The following NRF1 variants were observed in gnomAD, a reference collection of about 807,000 sequenced individuals.
NRF1 encodes the protein nuclear respiratory factor 1, also known as alpha palindromic-binding protein.
NRF1 carries 5 observed loss-of-function variants against 58.5 expected under a neutral mutation model. That is an observed-to-expected ratio of 0.09 (90% CI 0.04 to 0.18). The LOEUF (loss-of-function observed/expected upper bound fraction) is 0.18, where lower values mean the gene tolerates loss of function less well. Among genes scored for constraint, NRF1 ranks in the 10% least tolerant of loss-of-function variants. NRF1 has a pLI of 1.00. For synonymous variants in NRF1, 224 were observed against 246.7 expected (o/e 0.91, Z 0.86); for missense variants, 288 against 657.7 (o/e 0.44, Z 6.15).
chr7:129,728,707 C>T (rs193159293), intron 10 of NRF1, among the ~76,000 whole-genome samples: 6 of 152,218 alleles, frequency 3.9e-5, no homozygotes, highest in East Asian at 3.9e-4. Context: ...ACCTCTGTCC[C>T]GCCAGAGAAG....
At chr7:129,742,674 T>C (rs981253563) in intron 10 of NRF1, among the ~76,000 whole-genome samples, 3 of 152,198 alleles carry the variant, frequency 2.0e-5, no homozygotes, top group African/African-American at 4.8e-5. Flanking sequence ...CCAATTTAGA[T>C]TGAGTTTCCA....
In NRF1 at chr7:129,723,652, C is replaced by T. The variant is rs530521792; in HGVS notation, c.1224-3589C>T. On this transcript the variant is annotated intron_variant, in intron 9 of 10. Coordinates refer to ENST00000393232, the MANE Select transcript of NRF1 (RefSeq NM_005011.5). ...AGTAGTAATTCCAGATCAAGGGTCTCCTGTTGAAAAGACAGTCCTTTCCCT... is the reference window on the plus strand; with the variant it reads ...AGTAGTAATTCCAGATCAAGGGTCTTCTGTTGAAAAGACAGTCCTTTCCCT... 3.9e-5 allele frequency among the ~76,000 whole-genome samples: 6 copies of T among 152,240 alleles called. No homozygotes were observed. In the South Asian group the frequency reaches 1.2e-3, roughly 32 times the overall value.
At chr7:129,742,925 G>T (rs2116301222) in intron 10 of NRF1, among the ~76,000 whole-genome samples, 1 of 152,308 alleles carries the variant, frequency 6.6e-6, no homozygotes, top group South Asian at 2.1e-4. Context: ...AACAGAACGT[G>T]CCCATCATCA....
At chr7:129,696,618 A>C (rs908486813) in intron 5 of NRF1, among the ~76,000 whole-genome samples, 3 of 152,200 alleles carry the variant, frequency 2.0e-5, no homozygotes, top group Admixed American at 1.3e-4. Flanking sequence ...TAGAACTATC[A>C]AATTGGACTG....
At chr7:129,694,465 G>A (rs1252410185) in intron 5 of NRF1, among the ~76,000 whole-genome samples, 1 of 152,020 alleles carries the variant, frequency 6.6e-6, no homozygotes, top group Non-Finnish European at 1.5e-5. Context: ...TCCAGATTGA[G>A]GCAATTCTCC....
intron 2 of NRF1, among the ~76,000 whole-genome samples, chr7:129,662,739 G>GGTTT (rs1398097362): frequency 6.6e-6 from 1 of 151,674 alleles, no homozygotes; most frequent in East Asian, 2.0e-4. Context: ...TCCAATTTAA[G>GGTTT]GTTTATTTAT....
intron 1 of NRF1, among the ~76,000 whole-genome samples, chr7:129,631,426 C>T (rs1801047000): frequency 6.6e-6 from 1 of 151,828 alleles, no homozygotes; most frequent in Non-Finnish European, 1.5e-5. Context: ...CCCTATGTTG[C>T]CAAGGCTGGT....
intron 4 of NRF1, among the ~76,000 whole-genome samples, chr7:129,687,577 T>C (rs991948099): frequency 2.4e-4 from 37 of 152,260 alleles, no homozygotes; most frequent in African/African-American, 8.4e-4. Context: ...TGCCTGGCGA[T>C]GCTTCTTGAT....
chr7:129,642,882 T>A (rs952141907), intron 1 of NRF1, among the ~76,000 whole-genome samples: 2 of 151,264 alleles, frequency 1.3e-5, no homozygotes, highest in African/African-American at 4.8e-5. Flanking sequence ...CACCTTAGCC[T>A]CCCAAGTAGC....
chr7:129,751,512 C>T (rs1804115499), intron 10 of NRF1, among the ~76,000 whole-genome samples: 1 of 152,242 alleles, frequency 6.6e-6, no homozygotes, highest in Non-Finnish European at 1.5e-5. Flanking sequence ...GGGCCCACAT[C>T]ATAGGAAACC....
At chr7:129,733,372 CAGG>C (rs765131231) in intron 10 of NRF1, among the ~76,000 whole-genome samples, 8 of 151,540 alleles carry the variant, frequency 5.3e-5, no homozygotes, top group Admixed American at 1.3e-4. Flanking sequence ...GAGGCTGAGG[CAGG>C]AGAACGGCGT....
chr7:129,642,942 G>T (rs916820369), intron 1 of NRF1, among the ~76,000 whole-genome samples: 2 of 151,636 alleles, frequency 1.3e-5, no homozygotes, highest in African/African-American at 4.8e-5. Context: ...TGTATTTTTA[G>T]TAGAGATGGG....
At chr7:129,621,840 T>C (rs1447699700) in intron 1 of NRF1, among the ~76,000 whole-genome samples, 1 of 150,766 alleles carries the variant, frequency 6.6e-6, no homozygotes, top group Non-Finnish European at 1.5e-5. Flanking sequence ...TGGAGTGCAG[T>C]GGCATGATCT....
chr7:129,631,114 GA>G (rs1801038294), intron 1 of NRF1, among the ~76,000 whole-genome samples: 1 of 152,114 alleles, frequency 6.6e-6, no homozygotes. Context: ...ACATTTTCAT[GA>G]GCTTTCTTAT....
intron 1 of NRF1, among the ~76,000 whole-genome samples, chr7:129,619,508 A>ATATG (rs1800743697): frequency 8.2e-6 from 1 of 121,272 alleles, no homozygotes; most frequent in African/African-American, 3.0e-5. Context: ...ATATATATAT[A>ATATG]TATATGTATT....
At chr7:129,735,095 C>T in intron 10 of NRF1, 3 of 985,442 alleles carry the variant, frequency 3.0e-6, no homozygotes, top group Non-Finnish European at 3.6e-6. Flanking sequence ...CTTGGGGTCC[C>T]CCAGAGATTT....
intron 10 of NRF1, among the ~76,000 whole-genome samples, chr7:129,728,463 C>T (rs1401225124): frequency 3.8e-5 from 4 of 106,204 alleles, no homozygotes; most frequent in African/African-American, 1.2e-4. Context: ...AATGAGACTC[C>T]GTCTCAAAAA....
chr7:129,674,478 A>G (rs917400343), intron 3 of NRF1, among the ~76,000 whole-genome samples: 6 of 152,086 alleles, frequency 3.9e-5, no homozygotes, highest in African/African-American at 1.4e-4. Flanking sequence ...TCTGCTGTCC[A>G]AGCTAGAGTG....
At chr7:129,643,136 T>A (rs573669556) in intron 1 of NRF1, among the ~76,000 whole-genome samples, 6 of 152,354 alleles carry the variant, frequency 3.9e-5, no homozygotes, top group Non-Finnish European at 7.3e-5. Flanking sequence ...TTCCTAGGTC[T>A]GTGGTATTGG....
Sources: gnomAD v4.1 joint callset for allele counts (sites outside exome capture counted in the v4.1 genomes callset) on GRCh38, gnomAD v4.1.1 for gene constraint, MANE v1.5 for transcripts, NCBI Gene and HGNC (gene_info 2026-07-23, HGNC 2026-07-21) for gene names.